The following GALNT16 variants were observed in gnomAD, a reference collection of about 807,000 sequenced individuals.
GALNT16 encodes polypeptide N-acetylgalactosaminyltransferase 16.
GALNT16 carries 40 observed loss-of-function variants against 76.1 expected under a neutral mutation model. The observed-to-expected ratio is 0.53, with a 90% CI of 0.41 to 0.68. The LOEUF is 0.68. Among genes scored for constraint, GALNT16 ranks in the 30% least tolerant of loss-of-function variants. The pLI is 0.00. For missense variants in GALNT16, 621 were observed against 731.9 expected (o/e 0.85, Z 1.75); for synonymous variants, 276 against 285.2 (o/e 0.97, Z 0.32).
intron 1 of GALNT16, among the ~76,000 whole-genome samples, chr14:69,304,497 G>A (rs1466288077): frequency 6.6e-6 from 1 of 152,046 alleles, no homozygotes; most frequent in Admixed American, 6.6e-5. Flanking sequence ...AGCAAATTTT[G>A]AAGTGTAAAA....
intron 13 of GALNT16, 21 bp from the exon 14 acceptor site, chr14:69,347,856 T>G (rs376286191): frequency 1.0e-4 from 166 of 1,611,576 alleles, no homozygotes; most frequent in Admixed American, 3.2e-4. Flanking sequence ...TGACTTGGCC[T>G]TTCTGCTCCC....
At chr14:69,259,983 C>T (rs957384137), upstream of GALNT16, 67 of 252,884 alleles carry the variant, frequency 2.6e-4, 1 homozygote, top group Non-Finnish European at 3.7e-4. Context: ...GCTTCTCTCC[C>T]AGTGCGCAGT....
At chr14:69,310,940 A>T (rs1176699095) in intron 1 of GALNT16, among the ~76,000 whole-genome samples, 1 of 152,168 alleles carries the variant, frequency 6.6e-6, no homozygotes, top group East Asian at 1.9e-4. Context: ...TTTTAAAAAA[A>T]TAGTATTATC....
downstream of GALNT16, chr14:69,356,552 C>CTTTTTTTT (rs771252426): frequency 2.5e-5 from 2 of 81,078 alleles, no homozygotes; most frequent in African/African-American, 6.9e-5. Flanking sequence ...CAGCTGTGAG[C>CTTTTTTTT]TCTTTTTTTT....
chr14:69,273,061 A>G (rs2044426280), intron 1 of GALNT16, among the ~76,000 whole-genome samples: 1 of 152,246 alleles, frequency 6.6e-6, no homozygotes, highest in South Asian at 2.1e-4. Flanking sequence ...AGATCTTTCC[A>G]GTCCAGCTGC....
downstream of GALNT16, among the ~76,000 whole-genome samples, chr14:69,360,369 A>AG (rs1433694650): frequency 2.0e-5 from 3 of 151,938 alleles, no homozygotes; most frequent in Non-Finnish European, 2.9e-5. Flanking sequence ...GAAAAAAAAA[A>AG]AAAGAAGAGG....
chr14:69,342,438 G>C (rs1402551241), intron 12 of GALNT16, among the ~76,000 whole-genome samples: 1 of 133,786 alleles, frequency 7.5e-6, no homozygotes, highest in Non-Finnish European at 1.6e-5. Context: ...GAGGGGAGGT[G>C]AGGGGAGGGA....
chr14:69,377,745 T>C, the GALNT16 span, among the ~76,000 whole-genome samples: 10 of 124,846 alleles, frequency 8.0e-5, no homozygotes, highest in East Asian at 2.6e-3. Context: ...AGATTGAGGC[T>C]GCAGTGAGGC....
intron 6 of GALNT16, 118 bp from the exon 7 acceptor site, chr14:69,331,346 C>A (rs888092043): frequency 7.1e-6 from 5 of 702,032 alleles, no homozygotes; most frequent in Admixed American, 3.9e-5. Flanking sequence ...CTGGGCATAC[C>A]CTGCAGGAAG....
chr14:69,373,146 A>G, the GALNT16 span, among the ~76,000 whole-genome samples: 3 of 152,208 alleles, frequency 2.0e-5, no homozygotes, highest in Admixed American at 2.0e-4. Flanking sequence ...AGACTCAACT[A>G]TACTCTTTTT....
intron 1 of GALNT16, among the ~76,000 whole-genome samples, chr14:69,294,422 C>T (rs573182631): frequency 6.6e-6 from 1 of 151,992 alleles, no homozygotes; most frequent in African/African-American, 2.4e-5. Context: ...CGCCCAGCCC[C>T]CTTTTACCTT....
intron 1 of GALNT16, among the ~76,000 whole-genome samples, chr14:69,281,431 T>C (rs2044540114): frequency 6.6e-6 from 1 of 152,104 alleles, no homozygotes; most frequent in African/African-American, 2.4e-5. Context: ...TTGTTAGGTG[T>C]GCAGGGTCCC....
rs573704216 is a variant in GALNT16, at chr14:69,333,452, G to A, written c.864-45G>A. 5.5e-5 allele frequency: 67 copies of A among 1,209,456 alleles called. No individual in the cohort carries two copies. Among genetic ancestry groups the A allele is most frequent in the East Asian group, 2.3e-4 (10 of 43,018 alleles). The allele number at this position is 1,209,456 out of a possible 1,614,324, so 74.9% of individuals were successfully genotyped here. ...CTGGGGCCATCTAAAGGGCCTCCTT[G>A]CTTCTCCAGCTCACGTGTTGCGTCT... is the stretch of plus-strand genomic sequence containing the variant. On this transcript the variant is annotated intron_variant, in intron 8 of 14. Coordinates refer to ENST00000448469, the MANE Select transcript of GALNT16 (RefSeq NM_001168368.2). This position sits in a 1 kb window ranked among gnomAD's most constrained non-coding sequence, Gnocchi z 4.2.
chr14:69,277,454 A>G (rs2044487037), intron 1 of GALNT16, among the ~76,000 whole-genome samples: 1 of 152,142 alleles, frequency 6.6e-6, no homozygotes, highest in Non-Finnish European at 1.5e-5. Flanking sequence ...GTTCCCACCT[A>G]TGAGTGAGAG....
rs1023852642 is a variant in GALNT16, at chr14:69,306,701, T to C, written c.178-14010T>C. 3.9e-5 allele frequency among the ~76,000 whole-genome samples: 6 copies of C among 152,352 alleles called. No individual in the cohort carries two copies. The East Asian group carries it at 7.7e-4, about 20-fold the overall frequency. ...AGGGCATATTTACCCTTGTCACTTATACTTTCCAAAGGTTAAACTGAAATC... is the reference window on the plus strand; with the variant it reads ...AGGGCATATTTACCCTTGTCACTTACACTTTCCAAAGGTTAAACTGAAATC... On this transcript the variant is annotated intron_variant, in intron 1 of 14. Transcript: ENST00000448469.
At chr14:69,271,796 G>A (rs1168710759) in intron 1 of GALNT16, among the ~76,000 whole-genome samples, 1 of 152,132 alleles carries the variant, frequency 6.6e-6, no homozygotes, top group Non-Finnish European at 1.5e-5. Context: ...AAGTATCTGT[G>A]CTGAAAATTT....
intron 12 of GALNT16, 30 bp from the exon 13 acceptor site, chr14:69,347,010 C>T (rs1463896468): frequency 3.1e-6 from 5 of 1,613,880 alleles, no homozygotes; most frequent in Non-Finnish European, 3.4e-6. Context: ...GGGGGGAAAG[C>T]ACAAGCCTGA....
rs192742511 is a variant in GALNT16, at chr14:69,311,952, C to T, written c.178-8759C>T. 5.7e-3 allele frequency among the ~76,000 whole-genome samples: 864 copies of T among 151,874 alleles called. 6 individuals carry two copies. The highest frequency in any genetic ancestry group is 0.017 in the Middle Eastern group (5 of 294). On this transcript the variant is annotated intron_variant, in intron 1 of 14. Coordinates refer to ENST00000448469, the MANE Select transcript of GALNT16 (RefSeq NM_001168368.2). ...GGGTGGTGGCTCACACCTATAATCC[C>T]GGCACTTTGGGAGGCCAAGGCAGGA...
In GALNT16 at chr14:69,322,985, CGCGCACGCGCGCACGCAT is replaced by C. The variant is rs1275872624; in HGVS notation, c.336-1704_336-1687del. ...GTGTGTGTGTGTGTGTGTGTGTGCG[CGCGCACGCGCGCACGCAT>C]GCACACGTGTAGGGAAGCAAAGGAC... On this transcript the variant is annotated intron_variant, in intron 2 of 14. Coordinates refer to ENST00000448469, the MANE Select transcript of GALNT16 (RefSeq NM_001168368.2). 8.3e-3 allele frequency among the ~76,000 whole-genome samples: 208 copies of C among 25,012 alleles called. 8 individuals carry two copies. The East Asian group carries it at 0.11, about 13-fold the overall frequency. The allele number at this position is 25,012 out of a possible 152,430, so 16.4% of individuals were successfully genotyped here.
Sources: allele counts gnomAD v4.1 joint callset (sites outside exome capture counted in the v4.1 genomes callset), GRCh38; gene constraint gnomAD v4.1.1; non-coding constraint Gnocchi (gnomAD v3.1); transcripts MANE v1.5; gene names NCBI Gene and HGNC (gene_info 2026-07-23, HGNC 2026-07-21).